The following DAW1 variants were observed in gnomAD, a reference collection of about 807,000 sequenced individuals.
DAW1 encodes the protein dynein assembly factor with WD repeats 1.
In DAW1, 47 loss-of-function variants were observed where a neutral mutation model predicts 56.5. The observed-to-expected ratio is 0.83, with a 90% CI of 0.66 to 1.06. The LOEUF is 1.06. DAW1 is among the 50% of genes least tolerant of loss of function. The probability of loss-of-function intolerance (pLI) is 0.00; values close to 1 mark genes in which losing one functional copy is unlikely to be tolerated. For synonymous variants in DAW1, 190 were observed against 179.0 expected (o/e 1.06, Z -0.49); for missense variants, 505 against 499.3 (o/e 1.01, Z -0.11).
intron 1 of DAW1, among the ~76,000 whole-genome samples, chr2:227,875,043 G>A (rs1690847968): frequency 6.6e-6 from 1 of 152,044 alleles, no homozygotes; most frequent in African/African-American, 2.4e-5. Context: ...GTGCCCACCC[G>A]ACACATTCAT....
At chr2:227,916,843 G>A (rs1691962539) in intron 10 of DAW1, among the ~76,000 whole-genome samples, 2 of 152,142 alleles carry the variant, frequency 1.3e-5, no homozygotes, top group African/African-American at 4.8e-5. Flanking sequence ...GCATGTCTAT[G>A]TTAACATTCT....
chr2:227,921,898 G>T (rs111533631), intron 12 of DAW1, among the ~76,000 whole-genome samples: 28 of 152,280 alleles, frequency 1.8e-4, no homozygotes, highest in African/African-American at 6.5e-4. Context: ...AGGCGCATTG[G>T]CTCATGCCAA....
chr2:227,904,976 C>T lies in DAW1; in HGVS notation c.696C>T (p.Asp232=). Residue 232 remains aspartate, a synonymous_variant, in exon 8 of 13, where the codon GAC becomes GAT. Coordinates refer to ENST00000309931, the MANE Select transcript of DAW1 (RefSeq NM_178821.3). ...CCTTGTCATTTAACACCTCAGGAGA[C>T]AGAATCATCACGGGGTCTTTTGATC... ...IISLSFNTSG[D]RIITGSFDHT... is the part of the protein sequence containing the mutation. 6.2e-7 allele frequency: 1 copy of T among 1,613,820 alleles called. No individual in the cohort carries two copies. Among genetic ancestry groups the T allele is most frequent in the Non-Finnish European group, 8.5e-7 (1 of 1,179,778 alleles).
intron 2 of DAW1, among the ~76,000 whole-genome samples, chr2:227,886,010 T>C (rs148171960): frequency 2.0e-3 from 301 of 149,748 alleles, no homozygotes; most frequent in African/African-American, 6.6e-3. Context: ...GTTTCACTCT[T>C]GTTGCCCAGT....
At position 227,885,443 on chromosome 2, in the gene DAW1, C is replaced by A; in HGVS notation, c.113+20C>A. The A allele has an allele frequency of 6.3e-7, 1 of 1,577,184 alleles. No homozygotes were observed. Among genetic ancestry groups the A allele is most frequent in the Non-Finnish European group, 8.6e-7 (1 of 1,161,152 alleles). ...TCCCAGGTAAGTAAGCTGTAGGATT[C>A]AACAAATAAATGTTCACTGGGAAGC... On this transcript the variant is annotated intron_variant, in intron 2 of 12. Coordinates refer to ENST00000309931, the MANE Select transcript of DAW1 (RefSeq NM_178821.3).
intron 9 of DAW1, 35 bp from the exon 10 acceptor site, chr2:227,907,103 C>CTTTTTTTTTTTTTTT: frequency 2.6e-6 from 3 of 1,143,104 alleles, no homozygotes; most frequent in Non-Finnish European, 2.4e-6. Context: ...AAGTCATAGT[C>CTTTTTTTTTTTTTTT]TTTTTTTTTT....
Position 227,905,076 on chromosome 2 carries a change from G to A in DAW1, c.755+41G>A, listed in dbSNP as rs201837005. On this transcript the variant is annotated intron_variant, in intron 8 of 12. Coordinates refer to ENST00000309931, the MANE Select transcript of DAW1 (RefSeq NM_178821.3). ...TAAGAATTGTTTTAACCTGGATCAG[G>A]GGGTTCAGAAAACCCTCTGTTATTT... is the stretch of plus-strand genomic sequence containing the variant. 7 of 1,550,356 alleles carry A rather than the reference G, an allele frequency of 4.5e-6. No homozygotes were observed. The African/African-American group carries it at 6.9e-5, about 15-fold the overall frequency.
intron 10 of DAW1, 149 bp downstream of exon 10, chr2:227,907,401 A>G (rs763230576): frequency 1.6e-6 from 1 of 624,248 alleles, no homozygotes; most frequent in East Asian, 2.8e-5. Context: ...GTATGGCACA[A>G]TAGTGTGTCT....
At chr2:227,893,997 CAA>C in intron 5 of DAW1, 80 bp downstream of exon 5, 2 of 1,409,808 alleles carry the variant, frequency 1.4e-6, no homozygotes, top group Admixed American at 5.5e-5. Flanking sequence ...GGGAAGAAGA[CAA>C]GAGGTCTAAA....
intron 10 of DAW1, among the ~76,000 whole-genome samples, chr2:227,912,092 CT>C (rs1458005999): frequency 6.6e-6 from 1 of 152,208 alleles, no homozygotes; most frequent in African/African-American, 2.4e-5. Flanking sequence ...ATGCTCTACT[CT>C]TCTATGCCAT....
intron 10 of DAW1, among the ~76,000 whole-genome samples, chr2:227,908,296 A>G (rs1246185713): frequency 6.6e-6 from 1 of 152,228 alleles, no homozygotes; most frequent in African/African-American, 2.4e-5. Context: ...TATCTGCATC[A>G]TATCCTTGAT....
intron 11 of DAW1, 66 bp from the exon 12 acceptor site, chr2:227,921,333 T>TTG (rs1692103864): frequency 5.1e-6 from 1 of 194,406 alleles, no homozygotes; most frequent in Non-Finnish European, 8.9e-6. Context: ...TTTTTTTTTT[T>TTG]GCTGATAAGA....
chr2:227,907,473 C>T (rs561489610), intron 10 of DAW1, among the ~76,000 whole-genome samples: 5 of 152,240 alleles, frequency 3.3e-5, no homozygotes, highest in South Asian at 2.1e-4. Flanking sequence ...TCCTACATAA[C>T]GAGGTATATG....
At chr2:227,893,008 G>A (rs1314812929) in intron 4 of DAW1, among the ~76,000 whole-genome samples, 2 of 151,734 alleles carry the variant, frequency 1.3e-5, no homozygotes, top group Non-Finnish European at 2.9e-5. Flanking sequence ...GGTGGCGCAC[G>A]CCTGTAATCC....
At chr2:227,893,711 GTTA>G in intron 4 of DAW1, 81 bp from the exon 5 acceptor site, 1 of 1,518,678 alleles carries the variant, frequency 6.6e-7, no homozygotes, top group East Asian at 2.3e-5. Context: ...AATAAATAGA[GTTA>G]TTATCCTACA....
At chr2:227,900,684 C>A (rs1003970133) in intron 6 of DAW1, among the ~76,000 whole-genome samples, 10 of 152,154 alleles carry the variant, frequency 6.6e-5, no homozygotes, top group African/African-American at 2.4e-4. Context: ...GCCTGAAACT[C>A]AGGTGGCTCT....
chr2:227,905,350 T>C (rs1008856846), intron 8 of DAW1, among the ~76,000 whole-genome samples: 5 of 152,214 alleles, frequency 3.3e-5, no homozygotes, highest in Non-Finnish European at 7.3e-5. Flanking sequence ...TAGGCAGGAA[T>C]ATCATGTATA....
intron 1 of DAW1, among the ~76,000 whole-genome samples, chr2:227,880,180 G>A (rs931007453): frequency 2.0e-5 from 3 of 152,006 alleles, no homozygotes; most frequent in African/African-American, 7.2e-5. Context: ...ATTAAATGTG[G>A]TCTTGCCATT....
At chr2:227,918,171 TCATCCATCCATCCATC>T (rs60074089) in intron 10 of DAW1, among the ~76,000 whole-genome samples, 62 of 124,124 alleles carry the variant, frequency 5.0e-4, no homozygotes, top group South Asian at 1.4e-3. Context: ...CATCCATCCA[TCATCCATCCATCCATC>T]CATCCATCCA....
Sources: allele counts gnomAD v4.1 joint callset (sites outside exome capture counted in the v4.1 genomes callset), GRCh38; gene constraint gnomAD v4.1.1; transcripts MANE v1.5; gene names NCBI Gene and HGNC (gene_info 2026-07-23, HGNC 2026-07-21).